GALNTL6: variants seen among roughly 807,000 people sequenced by gnomAD.
GALNTL6 encodes polypeptide N-acetylgalactosaminyltransferase like 6, also known as polypeptide N-acetylgalactosaminyltransferase-like 6.
A neutral mutation model predicts 73.7 loss-of-function variants in GALNTL6; 46 were observed. That is an observed-to-expected ratio of 0.62 (90% confidence interval 0.49 to 0.80). The LOEUF is 0.80. Among genes scored for constraint, GALNTL6 ranks in the 30% least tolerant of loss-of-function variants. The pLI is 0.00. For missense variants in GALNTL6, 604 were observed against 755.0 expected (o/e 0.80, Z 2.34); for synonymous variants, 259 against 263.7 (o/e 0.98, Z 0.17).
chr4:172,287,102 A>G (rs1214137043), intron 3 of GALNTL6, among the ~76,000 whole-genome samples: 1 of 152,200 alleles, frequency 6.6e-6, no homozygotes, highest in Non-Finnish European at 1.5e-5. Flanking sequence ...TCCTTTTGCC[A>G]TTTACTATCA....
chr4:172,341,491 T>C (rs925755284), intron 4 of GALNTL6, among the ~76,000 whole-genome samples: 2 of 149,610 alleles, frequency 1.3e-5, no homozygotes, highest in Admixed American at 6.6e-5. Flanking sequence ...AGTTGTTTAG[T>C]TGGTAATATG....
intron 2 of GALNTL6, among the ~76,000 whole-genome samples, chr4:172,157,727 C>T (rs997544764): frequency 1.2e-4 from 19 of 152,098 alleles, no homozygotes; most frequent in African/African-American, 3.9e-4. Flanking sequence ...ATTTTTAGTA[C>T]GAAGAACCTA....
intron 2 of GALNTL6, among the ~76,000 whole-genome samples, chr4:172,216,980 G>T (rs934369977): frequency 6.6e-6 from 1 of 152,110 alleles, no homozygotes; most frequent in Admixed American, 6.6e-5. Context: ...GTTGATAATT[G>T]GTTGAGTTTG....
chr4:172,210,628 C>T (rs1370428329), intron 2 of GALNTL6, among the ~76,000 whole-genome samples: 1 of 152,086 alleles, frequency 6.6e-6, no homozygotes, highest in Admixed American at 6.6e-5. Context: ...TATATAATAT[C>T]ACTATGACTT....
At chr4:172,703,444 A>G (rs1734146365) in intron 5 of GALNTL6, among the ~76,000 whole-genome samples, 1 of 151,970 alleles carries the variant, frequency 6.6e-6, no homozygotes, top group Admixed American at 6.6e-5. Context: ...GCCTCTATGG[A>G]GATAATCATA....
intron 5 of GALNTL6, among the ~76,000 whole-genome samples, chr4:172,695,974 T>A (rs942627821): frequency 6.6e-6 from 1 of 152,068 alleles, no homozygotes; most frequent in Non-Finnish European, 1.5e-5. Context: ...GAAATTGTAA[T>A]CTTGGAAAAT....
chr4:172,721,255 A>C (rs1735456302), intron 5 of GALNTL6, among the ~76,000 whole-genome samples: 1 of 152,170 alleles, frequency 6.6e-6, no homozygotes, highest in Non-Finnish European at 1.5e-5. Flanking sequence ...TTTCTTTAAC[A>C]TTTATTCCAC....
chr4:171,885,149 A>G (rs990144392), intron 2 of GALNTL6, among the ~76,000 whole-genome samples: 1 of 152,160 alleles, frequency 6.6e-6, no homozygotes, highest in Non-Finnish European at 1.5e-5. Flanking sequence ...GTATAATTAC[A>G]TGGTCTCGCA....
chr4:172,196,796 AAAT>A, intron 2 of GALNTL6, among the ~76,000 whole-genome samples: 1 of 152,318 alleles, frequency 6.6e-6, no homozygotes, highest in East Asian at 1.9e-4. Flanking sequence ...ACATACCTCA[AAAT>A]AATAAGAGCC....
intron 4 of GALNTL6, 89 bp from the exon 5 acceptor site, chr4:172,348,434 G>C (rs1255887708): frequency 9.4e-6 from 10 of 1,063,706 alleles, no homozygotes; most frequent in Non-Finnish European, 1.4e-5. Context: ...TGTTTCCACA[G>C]TTGTCTGATA....
intron 11 of GALNTL6, among the ~76,000 whole-genome samples, chr4:173,020,827 C>A (rs892415121): frequency 6.6e-6 from 1 of 152,172 alleles, no homozygotes; most frequent in Admixed American, 6.5e-5. Flanking sequence ...AATCCCAGCA[C>A]TTTGGGAAGC....
chr4:172,656,148 G>A (rs1456838916), intron 5 of GALNTL6, among the ~76,000 whole-genome samples: 2 of 152,160 alleles, frequency 1.3e-5, no homozygotes, highest in African/African-American at 4.8e-5. Flanking sequence ...GTGGCAAGGA[G>A]ACAGGAGGAA....
chr4:172,342,059 T>C (rs1362676833), intron 4 of GALNTL6, among the ~76,000 whole-genome samples: 1 of 152,170 alleles, frequency 6.6e-6, no homozygotes, highest in African/African-American at 2.4e-5. Context: ...CACCTGATAA[T>C]ATAATATTAG....
chr4:172,170,508 GTTT>G lies in GALNTL6; in HGVS notation c.139-59131_139-59129del, dbSNP rs1197633372. On this transcript the variant is annotated intron_variant, in intron 2 of 12. Transcript: ENST00000506823. ...CCAGTCCCTGGAAGTTTCTTTGGTG[GTTT>G]TTTTTTTTTTTTTTTTGAGACAGAG... Among the ~76,000 whole-genome samples, 346 of 120,054 alleles carry G rather than the reference GTTT, an allele frequency of 2.9e-3. 2 individuals are homozygous for G. The highest frequency in any genetic ancestry group is 0.011 in the African/African-American group (336 of 31,770). 78.8% of individuals were successfully genotyped at this position (120,054 alleles called of 152,430 possible). A position where few individuals can be genotyped will look rare whatever the true frequency, so the allele number is the denominator to read the frequency against.
intron 5 of GALNTL6, among the ~76,000 whole-genome samples, chr4:172,547,866 A>T (rs912438936): frequency 6.6e-6 from 1 of 152,174 alleles, no homozygotes; most frequent in African/African-American, 2.4e-5. Flanking sequence ...CCCAGAAGCT[A>T]ATCTGTCATT....
chr4:172,686,922 A>G (rs1343062404), intron 5 of GALNTL6, among the ~76,000 whole-genome samples: 2 of 152,202 alleles, frequency 1.3e-5, no homozygotes, highest in African/African-American at 4.8e-5. Context: ...AATTCCTTAT[A>G]GGAGCATCAC....
chr4:172,908,609 AGTGTGTGTGTGTGTGT>A (rs200044918), intron 8 of GALNTL6, among the ~76,000 whole-genome samples: 1 of 145,870 alleles, frequency 6.9e-6, no homozygotes, highest in Non-Finnish European at 1.5e-5. Context: ...CATGAGCGTG[AGTGTGTGTGTGTGTGT>A]GTGTGTGTGT....
intron 5 of GALNTL6, among the ~76,000 whole-genome samples, chr4:172,381,208 C>T (rs563010444): frequency 1.3e-5 from 2 of 152,262 alleles, no homozygotes; most frequent in South Asian, 4.1e-4. Flanking sequence ...TTGGATGAAA[C>T]AAATGATTAT....
chr4:172,575,186 T>G (rs752149075), intron 5 of GALNTL6, among the ~76,000 whole-genome samples: 1 of 152,166 alleles, frequency 6.6e-6, no homozygotes, highest in Non-Finnish European at 1.5e-5. Context: ...AATTCTTAAC[T>G]CCAGAAACAG....
Sources: gnomAD v4.1 joint callset for allele counts (sites outside exome capture counted in the v4.1 genomes callset) on GRCh38, gnomAD v4.1.1 for gene constraint, MANE v1.5 for transcripts, NCBI Gene and HGNC (gene_info 2026-07-23, HGNC 2026-07-21) for gene names.